LOXHD1: variants seen among roughly 807,000 people sequenced by gnomAD.
The protein encoded by LOXHD1 is lipoxygenase homology domain-containing protein 1.
A neutral mutation model predicts 248.2 loss-of-function variants in LOXHD1; 205 were observed. That is an observed-to-expected ratio of 0.83 (90% CI 0.74 to 0.93). LOXHD1 has a LOEUF of 0.93. Ranked by LOEUF, LOXHD1 falls within the 40% of genes least tolerant of loss-of-function variation. The probability of loss-of-function intolerance (pLI) is 0.00; values close to 1 mark genes in which losing one functional copy is unlikely to be tolerated. For missense variants in LOXHD1, 2,930 were observed against 2,971.6 expected, an observed-to-expected ratio of 0.99 and a Z score of 0.33; for synonymous variants, 1,113 against 1,162.8, an observed-to-expected ratio of 0.96 and a Z score of 0.87.
chr18:46,559,053 A>G (rs149164838), intron 20 of LOXHD1: 1 of 920,846 alleles, frequency 1.1e-6, no homozygotes, highest in East Asian at 6.0e-5. Context: ...TGTTGCCTTT[A>G]TATGTCTACA....
chr18:46,494,917 G>C (rs2033749899), intron 37 of LOXHD1, among the ~76,000 whole-genome samples: 1 of 134,708 alleles, frequency 7.4e-6, no homozygotes. Flanking sequence ...GCAGTGGCAC[G>C]ATCTCAGCTC....
intron 20 of LOXHD1, among the ~76,000 whole-genome samples, chr18:46,558,275 C>T (rs2143987882): frequency 6.6e-6 from 1 of 152,308 alleles, no homozygotes; most frequent in Middle Eastern, 3.4e-3. Flanking sequence ...AAGTAAGTGG[C>T]AGATACCATG....
At chr18:46,497,100 A>G (rs56307248) in intron 37 of LOXHD1, among the ~76,000 whole-genome samples, 2 of 152,318 alleles carry the variant, frequency 1.3e-5, no homozygotes, top group Non-Finnish European at 2.9e-5. Flanking sequence ...TTCAGACCCA[A>G]TGTCTGTTGA....
chr18:46,613,798 T>G (rs184946378), intron 5 of LOXHD1, among the ~76,000 whole-genome samples: 72 of 152,354 alleles, frequency 4.7e-4, no homozygotes, highest in African/African-American at 1.6e-3. Flanking sequence ...GATAATTCTT[T>G]CTCTTTAATC....
In LOXHD1 at chr18:46,607,379, A is replaced by G. The variant is rs2038432770; in HGVS notation, c.760-3150T>C. ...CATATATACATATATGTACATATAT[A>G]CATATATACGTACGTATATGTACAT... On this transcript the variant is annotated intron_variant, in intron 6 of 40. Transcript: ENST00000642948. Among the ~76,000 whole-genome samples, 3 of 150,034 alleles carry G rather than the reference A, an allele frequency of 2.0e-5. No homozygotes were observed. The South Asian group carries it at 6.3e-4, about 31-fold the overall frequency.
chr18:46,601,946 T>C (rs559639867), intron 7 of LOXHD1, among the ~76,000 whole-genome samples: 2 of 152,304 alleles, frequency 1.3e-5, no homozygotes, highest in East Asian at 3.9e-4. Flanking sequence ...ACATAACTTT[T>C]AATAGAGGAC....
At chr18:46,493,402 A>G (rs186293072) in intron 37 of LOXHD1, among the ~76,000 whole-genome samples, 1 of 152,356 alleles carries the variant, frequency 6.6e-6, no homozygotes, top group Admixed American at 6.5e-5. Context: ...CATATATTGT[A>G]TAGTTTGTCT....
intron 23 of LOXHD1, among the ~76,000 whole-genome samples, chr18:46,543,058 G>A (rs1430872136): frequency 6.6e-6 from 1 of 152,154 alleles, no homozygotes; most frequent in Non-Finnish European, 1.5e-5. Context: ...TGGGGTACAG[G>A]TGGTTTTTGG....
chr18:46,637,127 C>A (rs1328891824), intron 4 of LOXHD1, among the ~76,000 whole-genome samples: 2 of 151,766 alleles, frequency 1.3e-5, no homozygotes, highest in Non-Finnish European at 2.9e-5. Flanking sequence ...GCCTGGGCAA[C>A]AAGAGGGAAA....
intron 7 of LOXHD1, chr18:46,601,804 C>T (rs150131770): frequency 2.1e-4 from 68 of 323,652 alleles, no homozygotes; most frequent in African/African-American, 1.2e-3. Context: ...AATTACCATG[C>T]GTACATTATT....
At chr18:46,587,084 C>T (rs1410335537) in intron 12 of LOXHD1, among the ~76,000 whole-genome samples, 4 of 152,144 alleles carry the variant, frequency 2.6e-5, no homozygotes, top group Admixed American at 2.0e-4. Context: ...AAATCTCCTG[C>T]CTACCAATAT....
intron 35 of LOXHD1, among the ~76,000 whole-genome samples, chr18:46,509,257 C>T (rs1477422378): frequency 1.3e-5 from 2 of 152,082 alleles, no homozygotes; most frequent in African/African-American, 4.8e-5. Flanking sequence ...GACTCAGAGG[C>T]CCACAATGGA....
At chr18:46,548,733 C>T (rs1474636636) in intron 21 of LOXHD1, among the ~76,000 whole-genome samples, 1 of 151,890 alleles carries the variant, frequency 6.6e-6, no homozygotes, top group Non-Finnish European at 1.5e-5. Context: ...AGGAAGTTGG[C>T]AGAGGACAAG....
At chr18:46,478,064 T>C (rs2032187950) in intron 40 of LOXHD1, 112 bp from the exon 41 acceptor site, 6 of 1,343,510 alleles carry the variant, frequency 4.5e-6, no homozygotes, top group Non-Finnish European at 5.0e-6. Flanking sequence ...CCCAAGGTGA[T>C]GGGATATTGG....
chr18:46,524,906 G>A lies in LOXHD1; in HGVS notation c.4542C>T (p.Phe1514=), dbSNP rs746765306. 1 of 1,551,690 alleles carries A rather than the reference G, an allele frequency of 6.4e-7. No individual in the cohort carries two copies. The change falls in exon 30 of 41, where the codon TTC becomes TTT. Residue 1514 remains phenylalanine, a synonymous_variant. Coordinates refer to ENST00000642948, the MANE Select transcript of LOXHD1 (RefSeq NM_001384474.1). The part of the protein sequence containing the change: ...NKFERGTADT[F]IIEAADLGVI... ...CGCCTAGGTCAGCGGCCTCGATGAT[G>A]AAGGTGTCAGCCTGGGGAGCCCAGA... is the stretch of plus-strand genomic sequence containing the variant.
chr18:46,521,978 G>A lies in LOXHD1; in HGVS notation c.5085+123C>T, dbSNP rs1598908314. The A allele has an allele frequency of 7.7e-6, 6 of 782,326 alleles. No individual in the cohort carries two copies. In the East Asian group the frequency reaches 1.6e-4, roughly 21 times the overall value. The allele number at this position is 782,326 out of a possible 1,614,324, so 48.5% of individuals were successfully genotyped here. On this transcript the variant is annotated intron_variant, in intron 32 of 40. Coordinates refer to ENST00000642948, the MANE Select transcript of LOXHD1 (RefSeq NM_001384474.1). Reference sequence around the variant, plus strand: ...GCTAGTTGGTTCTTCTCTGCTACCTGCTCTAAGGGGTGCTGCAGGTAGGCT... The same window carrying A: ...GCTAGTTGGTTCTTCTCTGCTACCTACTCTAAGGGGTGCTGCAGGTAGGCT...
intron 38 of LOXHD1, among the ~76,000 whole-genome samples, chr18:46,487,222 G>C (rs1204850252): frequency 6.6e-6 from 1 of 152,202 alleles, no homozygotes; most frequent in Non-Finnish European, 1.5e-5. Context: ...AGGAGGCATG[G>C]GTCGTAGTTT....
At chr18:46,516,723 C>G (rs2035269032) in intron 34 of LOXHD1, among the ~76,000 whole-genome samples, 1 of 151,974 alleles carries the variant, frequency 6.6e-6, no homozygotes, top group Admixed American at 6.6e-5. Flanking sequence ...CCCTCATCAT[C>G]ATAATCACCA....
At chr18:46,544,696 T>C (rs953816603) in intron 23 of LOXHD1, 2 of 397,214 alleles carry the variant, frequency 5.0e-6, no homozygotes, top group Non-Finnish European at 1.1e-5. Context: ...AGCTAATAAA[T>C]GGTGGAGTGG....
Sources: gnomAD v4.1 joint callset for allele counts (sites outside exome capture counted in the v4.1 genomes callset) on GRCh38, gnomAD v4.1.1 for gene constraint, MANE v1.5 for transcripts, NCBI Gene and HGNC (gene_info 2026-07-23, HGNC 2026-07-21) for gene names.